The following CDK5RAP2 variants were observed in gnomAD, a reference collection of about 807,000 sequenced individuals.
CDK5RAP2 encodes CDK5 regulatory subunit-associated protein 2.
CDK5RAP2 carries 147 observed loss-of-function variants against 232.9 expected under a neutral mutation model. The ratio of observed to expected loss-of-function variants is 0.63; its 90% CI spans 0.55 to 0.72. CDK5RAP2 has a LOEUF of 0.72. Ranked by LOEUF, CDK5RAP2 falls within the 30% of genes least tolerant of loss-of-function variation. CDK5RAP2 has a pLI of 0.00. For missense variants in CDK5RAP2, 2,195 were observed against 2,231.5 expected (o/e 0.98, Z 0.33); for synonymous variants, 833 against 833.7 (o/e 1.00, Z 0.01).
At chr9:120,400,912 C>A (rs370978182) in intron 34 of CDK5RAP2, 27 bp from the exon 35 acceptor site, 2 of 1,613,740 alleles carry the variant, frequency 1.2e-6, no homozygotes, top group Non-Finnish European at 1.7e-6. Context: ...AAGGCTGTTA[C>A]GTGCAGTCTT....
At chr9:120,465,546 C>T (rs2037329835) in intron 18 of CDK5RAP2, among the ~76,000 whole-genome samples, 1 of 151,994 alleles carries the variant, frequency 6.6e-6, no homozygotes, top group Admixed American at 6.6e-5. Context: ...CTGACAAACT[C>T]TATCAGGGCC....
intron 9 of CDK5RAP2, 122 bp downstream of exon 9, chr9:120,528,622 T>C: frequency 2.8e-6 from 2 of 726,472 alleles, no homozygotes; most frequent in Admixed American, 2.0e-5. Flanking sequence ...TTGACTGGCA[T>C]ACAGTAGCAT....
intron 11 of CDK5RAP2, among the ~76,000 whole-genome samples, chr9:120,519,173 CAA>C (rs765274307): frequency 4.1e-5 from 4 of 97,250 alleles, no homozygotes; most frequent in Admixed American, 1.1e-4. Flanking sequence ...GACTCCGTCT[CAA>C]AAAAAAAAAA....
chr9:120,392,616 C>T (rs966855177), intron 36 of CDK5RAP2, among the ~76,000 whole-genome samples: 15 of 152,316 alleles, frequency 9.8e-5, no homozygotes, highest in Admixed American at 5.9e-4. Context: ...TTGCTCCCCA[C>T]CCCACTGCTG....
intron 1 of CDK5RAP2, among the ~76,000 whole-genome samples, chr9:120,574,647 T>C (rs537038168): frequency 6.6e-6 from 1 of 152,296 alleles, no homozygotes; most frequent in Admixed American, 6.5e-5. Flanking sequence ...AAACCTGCCC[T>C]TGTATGGGGC....
chr9:120,497,061 C>T (rs1172873089), intron 12 of CDK5RAP2, among the ~76,000 whole-genome samples: 5 of 131,328 alleles, frequency 3.8e-5, no homozygotes, highest in Non-Finnish European at 6.2e-5. Context: ...TTTTGTTCTG[C>T]ACTAAGAAAA....
intron 20 of CDK5RAP2, among the ~76,000 whole-genome samples, chr9:120,455,368 G>A (rs1404892978): frequency 8.1e-6 from 1 of 123,046 alleles, no homozygotes; most frequent in African/African-American, 3.2e-5. Flanking sequence ...TGTACAACAC[G>A]TTAAAAAAAA....
chr9:120,523,021 C>T (rs558157281), intron 11 of CDK5RAP2, among the ~76,000 whole-genome samples: 1 of 152,264 alleles, frequency 6.6e-6, no homozygotes, highest in Admixed American at 6.5e-5. Flanking sequence ...TGCAAAAACT[C>T]GCTGGTTTGT....
At chr9:120,558,103 G>A (rs1166395096) in intron 3 of CDK5RAP2, among the ~76,000 whole-genome samples, 13 of 142,502 alleles carry the variant, frequency 9.1e-5, no homozygotes, top group East Asian at 2.2e-4. Context: ...GGCTGGGCAC[G>A]GTGACTCACG....
At chr9:120,553,765 T>C (rs2042129377) in intron 3 of CDK5RAP2, among the ~76,000 whole-genome samples, 1 of 152,174 alleles carries the variant, frequency 6.6e-6, no homozygotes, top group African/African-American at 2.4e-5. Context: ...AGTTTATTTA[T>C]TTTTTTATTT....
At chr9:120,489,809 C>CT (rs796201909) in intron 13 of CDK5RAP2, among the ~76,000 whole-genome samples, 9,380 of 138,222 alleles carry the variant, frequency 0.068, 670 homozygotes, top group African/African-American at 0.18. Flanking sequence ...TTTGTCTTTC[C>CT]TTTTTTTTTT....
intron 28 of CDK5RAP2, among the ~76,000 whole-genome samples, chr9:120,413,064 A>G (rs927837156): frequency 3.3e-5 from 5 of 152,238 alleles, no homozygotes; most frequent in African/African-American, 2.4e-5. Context: ...TTGTATTACT[A>G]AAACAATTAA....
chr9:120,486,231 T>C (rs571966539), intron 14 of CDK5RAP2, among the ~76,000 whole-genome samples: 3 of 152,252 alleles, frequency 2.0e-5, no homozygotes, highest in African/African-American at 7.2e-5. Context: ...ACTCCAGCTC[T>C]AGTGCCCGAG....
intron 4 of CDK5RAP2, among the ~76,000 whole-genome samples, chr9:120,548,977 G>C (rs1332788108): frequency 6.6e-6 from 1 of 152,156 alleles, no homozygotes; most frequent in South Asian, 2.1e-4. Context: ...GAGAACATGG[G>C]GAAACCCCAT....
At chr9:120,402,196 G>A (rs942782401) in intron 34 of CDK5RAP2, among the ~76,000 whole-genome samples, 1 of 152,112 alleles carries the variant, frequency 6.6e-6, no homozygotes, top group African/African-American at 2.4e-5. Context: ...GGGAGGCTGA[G>A]GCAGGAGGAT....
At chr9:120,418,330 G>T (rs2034360156) in intron 27 of CDK5RAP2, among the ~76,000 whole-genome samples, 1 of 152,220 alleles carries the variant, frequency 6.6e-6, no homozygotes, top group African/African-American at 2.4e-5. Context: ...GTGGTGGACA[G>T]GGCGAAGGGT....
chr9:120,453,067 A>G (rs1347288926), intron 21 of CDK5RAP2, among the ~76,000 whole-genome samples: 2 of 152,234 alleles, frequency 1.3e-5, no homozygotes, highest in Non-Finnish European at 2.9e-5. Flanking sequence ...AAATTTTGGG[A>G]CATCTCCACA....
intron 35 of CDK5RAP2, among the ~76,000 whole-genome samples, chr9:120,399,142 C>A (rs1262444615): frequency 6.6e-6 from 1 of 152,154 alleles, no homozygotes; most frequent in Non-Finnish European, 1.5e-5. Flanking sequence ...TACTCAGGAG[C>A]ACCAACCACT....
At position 120,389,204 on chromosome 9, in the gene CDK5RAP2, GA is replaced by G; in HGVS notation, c.*31del. 1 of 1,590,348 alleles carries G rather than the reference GA, an allele frequency of 6.3e-7. No individual in the cohort carries two copies. Among genetic ancestry groups the G allele is most frequent in the African/African-American group, 1.3e-5 (1 of 74,532 alleles). On this transcript the variant is annotated 3_prime_UTR_variant, in exon 38 of 38. Coordinates refer to ENST00000349780, the MANE Select transcript of CDK5RAP2 (RefSeq NM_018249.6). Reference sequence around the variant, plus strand: ...AAGAGACAGCGTGAGCTCGGTGGGGGAAGCACAAGCTTTATTGGCTGAAAGT... The same window carrying G: ...AAGAGACAGCGTGAGCTCGGTGGGGGAGCACAAGCTTTATTGGCTGAAAGT...
Sources: allele counts gnomAD v4.1 joint callset (sites outside exome capture counted in the v4.1 genomes callset), GRCh38; gene constraint gnomAD v4.1.1; transcripts MANE v1.5; gene names NCBI Gene and HGNC (gene_info 2026-07-23, HGNC 2026-07-21).